CLVS2: variants seen among roughly 807,000 people sequenced by gnomAD.
CLVS2 encodes the protein clavesin-2.
CLVS2 carries 19 observed loss-of-function variants against 29.0 expected under a neutral mutation model. The observed-to-expected ratio is 0.66, with a 90% CI of 0.46 to 0.96. CLVS2 has a LOEUF of 0.96. Ranked by LOEUF, CLVS2 falls within the 40% of genes least tolerant of loss-of-function variation. The probability of loss-of-function intolerance (pLI) is 0.00; values close to 1 mark genes in which losing one functional copy is unlikely to be tolerated. For synonymous variants in CLVS2, 161 were observed against 151.3 expected, an observed-to-expected ratio of 1.06 and a Z score of -0.47; for missense variants, 294 against 404.1, an observed-to-expected ratio of 0.73 and a Z score of 2.34.
At position 123,070,526 on chromosome 6, in the gene CLVS2, A is replaced by T. The variant is rs562705354; in HGVS notation, c.*6765A>T. On this transcript the variant is annotated 3_prime_UTR_variant, in exon 6 of 6. Coordinates refer to ENST00000275162, the MANE Select transcript of CLVS2 (RefSeq NM_001010852.4). ...AGTCAATTTTCAACACATTAGCAAG[A>T]GTGAGTCTCTTAAAATGTAACTCAG... 6.6e-6 allele frequency: 1 copy of T among 152,088 alleles called. No homozygotes were observed. The highest frequency in any genetic ancestry group is 2.1e-4 in the South Asian group (1 of 4,826). The allele number at this position is 152,088 out of a possible 1,614,324, so 9.4% of individuals were successfully genotyped here. A position where few individuals can be genotyped will look rare whatever the true frequency, so the allele number is the denominator to read the frequency against.
intron 3 of CLVS2, among the ~76,000 whole-genome samples, chr6:123,032,728 C>T (rs911496607): frequency 3.3e-5 from 5 of 151,944 alleles, no homozygotes; most frequent in African/African-American, 1.2e-4. Context: ...TTCCCACTTA[C>T]CAGTGAATAC....
rs1280672506 is a variant in CLVS2 at position 123,017,113 on chromosome 6, TGTGC to T, written c.564+5957_564+5960del. Among the ~76,000 whole-genome samples, 192 of 147,778 alleles carry T rather than the reference TGTGC, an allele frequency of 1.3e-3. 3 individuals are homozygous for T. Among genetic ancestry groups the T allele is most frequent in the African/African-American group, 4.5e-3 (182 of 40,160 alleles). The stretch of plus-strand genomic sequence containing the variant: ...ATGTGTGTGTGTGTGTGTGTGTGTG[TGTGC>T]GTAAGATGGTTAAGGGAGAGTGTAG... On this transcript the variant is annotated intron_variant, in intron 3 of 5. Transcript: ENST00000275162.
chr6:123,002,935 C>T (rs917727784), intron 2 of CLVS2, among the ~76,000 whole-genome samples: 5 of 152,208 alleles, frequency 3.3e-5, no homozygotes, highest in Non-Finnish European at 5.9e-5. Flanking sequence ...TGGGACTTCT[C>T]TCCCAGCAGA....
chr6:123,025,586 C>T (rs1177587941), intron 3 of CLVS2, among the ~76,000 whole-genome samples: 1 of 152,112 alleles, frequency 6.6e-6, no homozygotes, highest in African/African-American at 2.4e-5. Flanking sequence ...GTTATACTCC[C>T]AGGTGCCAGG....
chr6:123,002,023 C>G (rs1214568561), intron 2 of CLVS2, among the ~76,000 whole-genome samples: 1 of 152,196 alleles, frequency 6.6e-6, no homozygotes, highest in Non-Finnish European at 1.5e-5. Flanking sequence ...TACTTTAGTA[C>G]AGCAAACAAC....
At chr6:123,054,540 TGTAGA>T (rs929003030) in intron 4 of CLVS2, among the ~76,000 whole-genome samples, 4 of 152,246 alleles carry the variant, frequency 2.6e-5, no homozygotes, top group African/African-American at 7.2e-5. Flanking sequence ...TATTTGATAT[TGTAGA>T]GTAATCTTTC....
chr6:123,059,970 C>A (rs930102564), intron 5 of CLVS2, among the ~76,000 whole-genome samples: 2 of 152,108 alleles, frequency 1.3e-5, no homozygotes, highest in African/African-American at 2.4e-5. Flanking sequence ...TCATATGAAA[C>A]ATTTATGATT....
At chr6:123,021,680 A>G (rs1007394462) in intron 3 of CLVS2, among the ~76,000 whole-genome samples, 1 of 152,080 alleles carries the variant, frequency 6.6e-6, no homozygotes, top group African/African-American at 2.4e-5. Context: ...GTATAATATC[A>G]CAATCAGGAA....
intron 2 of CLVS2, among the ~76,000 whole-genome samples, chr6:123,004,032 A>T (rs2114298898): frequency 6.6e-6 from 1 of 152,334 alleles, no homozygotes; most frequent in South Asian, 2.1e-4. Context: ...TCAAATTCTG[A>T]TAATTAAAGA....
chr6:123,045,073 A>AGAG (rs1772464957), intron 3 of CLVS2, among the ~76,000 whole-genome samples: 1 of 152,112 alleles, frequency 6.6e-6, no homozygotes, highest in African/African-American at 2.4e-5. Context: ...ATTGTGAATC[A>AGAG]GAGAAGATAG....
At chr6:123,035,210 C>A (rs1162794066) in intron 3 of CLVS2, among the ~76,000 whole-genome samples, 1 of 151,330 alleles carries the variant, frequency 6.6e-6, no homozygotes, top group African/African-American at 2.4e-5. Flanking sequence ...TAAAATCTAC[C>A]TATTTGTTAA....
In CLVS2 at chr6:123,070,074, G is replaced by A. The variant is rs1772919297; in HGVS notation, c.*6313G>A. On this transcript the variant is annotated 3_prime_UTR_variant, in exon 6 of 6. Coordinates refer to ENST00000275162, the MANE Select transcript of CLVS2 (RefSeq NM_001010852.4). ...AAGTTTTATGAAATATAATTATTAA[G>A]TTTTAGTGCTAGAAAAATTGTTGTT... The A allele has an allele frequency of 6.6e-6, 1 of 151,842 alleles. No homozygotes were observed. The highest frequency in any genetic ancestry group is 2.4e-5 in the African/African-American group (1 of 41,380). The allele number at this position is 151,842 out of a possible 1,614,324, so 9.4% of individuals were successfully genotyped here. A position where few individuals can be genotyped will look rare whatever the true frequency, so the allele number is the denominator to read the frequency against.
At chr6:123,050,774 A>G (rs1772599376) in intron 4 of CLVS2, among the ~76,000 whole-genome samples, 1 of 152,176 alleles carries the variant, frequency 6.6e-6, no homozygotes, top group South Asian at 2.1e-4. Flanking sequence ...CTTGAAGGTC[A>G]TTGAATACAG....
chr6:123,003,066 T>C (rs1467983244), intron 2 of CLVS2, among the ~76,000 whole-genome samples: 1 of 152,214 alleles, frequency 6.6e-6, no homozygotes, highest in African/African-American at 2.4e-5. Flanking sequence ...AAAGTTGTCC[T>C]GAGAAATGTT....
intron 4 of CLVS2, among the ~76,000 whole-genome samples, chr6:123,054,823 G>GT (rs370474216): frequency 0.069 from 10,069 of 145,280 alleles, 373 homozygotes; most frequent in South Asian, 0.11. Flanking sequence ...TATGCCTCAA[G>GT]TTTTTTTTTT....
Position 122,997,664 on chromosome 6 carries a change from A to G in CLVS2, c.-114A>G. ...AGATTATTAATTTCCTGTAGGGGAG[A>G]GGAAGCAGGCAGCAGGAGGTCTGGG... is the stretch of plus-strand genomic sequence containing the variant. On this transcript the variant is annotated 5_prime_UTR_variant, in exon 2 of 6. Coordinates refer to ENST00000275162, the MANE Select transcript of CLVS2 (RefSeq NM_001010852.4). 1 of 956,782 alleles carries G rather than the reference A, an allele frequency of 1.0e-6. No individual in the cohort carries two copies. Among genetic ancestry groups the G allele is most frequent in the Non-Finnish European group, 1.6e-6 (1 of 627,194 alleles). 59.3% of individuals were successfully genotyped at this position (956,782 alleles called of 1,614,324 possible).
At chr6:123,015,935 A>G (rs1430753066) in intron 3 of CLVS2, among the ~76,000 whole-genome samples, 1 of 151,422 alleles carries the variant, frequency 6.6e-6, no homozygotes, top group Non-Finnish European at 1.5e-5. Context: ...CTGTGCAAAA[A>G]TCTTCAAATG....
chr6:123,057,816 G>C (rs1772716307), intron 5 of CLVS2, among the ~76,000 whole-genome samples: 1 of 151,960 alleles, frequency 6.6e-6, no homozygotes, highest in African/African-American at 2.4e-5. Flanking sequence ...CCAACTTTAG[G>C]CTTCTTAACT....
intron 3 of CLVS2, among the ~76,000 whole-genome samples, chr6:123,041,070 C>G (rs1775223612): frequency 6.6e-6 from 1 of 151,996 alleles, no homozygotes; most frequent in South Asian, 2.1e-4. Context: ...TGGAGCAGCC[C>G]TGAGCACCAC....
Sources: allele counts gnomAD v4.1 joint callset (sites outside exome capture counted in the v4.1 genomes callset), GRCh38; gene constraint gnomAD v4.1.1; transcripts MANE v1.5; gene names NCBI Gene and HGNC (gene_info 2026-07-23, HGNC 2026-07-21).